The following PWP1 variants were observed in gnomAD, a reference collection of about 807,000 sequenced individuals.
The protein encoded by PWP1 is periodic tryptophan protein 1 homolog.
In PWP1, 47 loss-of-function variants were observed where a neutral mutation model predicts 69.9. The ratio of observed to expected loss-of-function variants is 0.67; its 90% confidence interval spans 0.53 to 0.86. The LOEUF is 0.86. PWP1 is among the 40% of genes least tolerant of loss of function. PWP1 has a pLI of 0.00. For synonymous variants in PWP1, 222 were observed against 208.2 expected (o/e 1.07, Z -0.57); for missense variants, 551 against 608.8 (o/e 0.91, Z 1.00).
intron 3 of PWP1, among the ~76,000 whole-genome samples, chr12:107,692,084 CA>C (rs1889491347): frequency 6.6e-6 from 1 of 152,194 alleles, no homozygotes; most frequent in Non-Finnish European, 1.5e-5. Context: ...ACAAATAACC[CA>C]GCCTGGAGAG....
intron 8 of PWP1, 110 bp from the exon 9 acceptor site, chr12:107,702,825 A>G (rs919965303): frequency 2.9e-6 from 2 of 697,718 alleles, no homozygotes; most frequent in Admixed American, 2.5e-5. Flanking sequence ...TGTTAAATTT[A>G]TTCCTAAGTA....
intron 8 of PWP1, among the ~76,000 whole-genome samples, chr12:107,699,993 T>C (rs528516295): frequency 5.7e-4 from 86 of 152,144 alleles, no homozygotes; most frequent in Middle Eastern, 3.4e-3. Flanking sequence ...TCATGTCTTA[T>C]ATAGTGGCAG....
chr12:107,706,930 T>G (rs1229918561), intron 11 of PWP1, among the ~76,000 whole-genome samples: 8 of 152,364 alleles, frequency 5.3e-5, no homozygotes, highest in Non-Finnish European at 1.0e-4. Context: ...TTTCCAATTC[T>G]GTGAAGAAAG....
At chr12:107,696,281 C>T (rs1427929429) in intron 5 of PWP1, among the ~76,000 whole-genome samples, 193 bp from the exon 6 acceptor site, 7 of 152,126 alleles carry the variant, frequency 4.6e-5, no homozygotes, top group Non-Finnish European at 5.9e-5. Flanking sequence ...GATCCGCCCA[C>T]CTTGGCCTCC....
chr12:107,703,111 T>C (rs1461083197), intron 9 of PWP1, 80 bp downstream of exon 9: 2 of 1,020,962 alleles, frequency 2.0e-6, no homozygotes, highest in Non-Finnish European at 3.0e-6. Flanking sequence ...AACGTTTATA[T>C]ATGGCTTTGA....
intron 5 of PWP1, among the ~76,000 whole-genome samples, chr12:107,695,481 T>C (rs1889564720): frequency 6.6e-6 from 1 of 152,188 alleles, no homozygotes; most frequent in South Asian, 2.1e-4. Context: ...TATTATATAT[T>C]TACCTCCTTC....
intron 9 of PWP1, 45 bp downstream of exon 9, chr12:107,703,076 C>T (rs1889745594): frequency 7.5e-7 from 1 of 1,325,214 alleles, no homozygotes; most frequent in African/African-American, 1.5e-5. Flanking sequence ...AAATCGGACA[C>T]AAATATTGGC....
intron 5 of PWP1, among the ~76,000 whole-genome samples, chr12:107,696,085 T>G (rs1250973888): frequency 7.1e-6 from 1 of 140,506 alleles, no homozygotes; most frequent in Non-Finnish European, 1.5e-5. Context: ...CAGGCTGGAG[T>G]GCAGTGGTGC....
At chr12:107,686,029 G>C (rs1386823870) in intron 1 of PWP1, 58 bp downstream of exon 1, 1 of 1,571,864 alleles carries the variant, frequency 6.4e-7, no homozygotes, top group Non-Finnish European at 8.7e-7. Flanking sequence ...CTGGGGGTCC[G>C]CCCAGCTGGG....
rs760407043 is a variant in PWP1 at position 107,704,628 on chromosome 12, G to A, written c.966-8G>A. ...CTTAAAACCCTAACTTTGCCTGAAT[G>A]TGTCTAGGTCAGTGGCTTTGTATGA... is the stretch of plus-strand genomic sequence containing the variant. On this transcript the variant is annotated splice_region_variant and splice_polypyrimidine_tract_variant and intron_variant, in intron 10 of 14. Coordinates refer to ENST00000412830, the MANE Select transcript of PWP1 (RefSeq NM_007062.3). 29 of 1,610,240 alleles carry A rather than the reference G, an allele frequency of 1.8e-5. No homozygotes were observed. The highest frequency in any genetic ancestry group is 2.4e-5 in the Non-Finnish European group (28 of 1,177,456).
chr12:107,686,969 CAAA>C (rs61728433), intron 1 of PWP1, among the ~76,000 whole-genome samples: 338 of 106,540 alleles, frequency 3.2e-3, no homozygotes, highest in African/African-American at 0.012. Context: ...GACTCCGTCT[CAAA>C]AAAAAAAAAA....
intron 14 of PWP1, 65 bp from the exon 15 acceptor site, chr12:107,712,046 G>A: frequency 7.3e-7 from 1 of 1,369,250 alleles, no homozygotes; most frequent in Non-Finnish European, 1.0e-6. Context: ...GCATTTTAGT[G>A]TCTTTTTATA....
At chr12:107,689,291 T>C (rs1168979568) in intron 3 of PWP1, among the ~76,000 whole-genome samples, 1 of 152,196 alleles carries the variant, frequency 6.6e-6, no homozygotes, top group Admixed American at 6.5e-5. Flanking sequence ...TTACAGTATA[T>C]TATCATTATT....
chr12:107,705,934 A>C (rs1357671920), intron 11 of PWP1, among the ~76,000 whole-genome samples: 3 of 152,220 alleles, frequency 2.0e-5, no homozygotes, highest in Non-Finnish European at 4.4e-5. Context: ...TGGCTGGGTC[A>C]AATGGTATTT....
intron 7 of PWP1, among the ~76,000 whole-genome samples, chr12:107,698,326 C>T (rs1301216731): frequency 2.0e-5 from 3 of 152,036 alleles, no homozygotes; most frequent in Non-Finnish European, 4.4e-5. Flanking sequence ...CACTGCACTC[C>T]AGCCTGTGTG....
At chr12:107,708,849 C>T in intron 11 of PWP1, 77 bp from the exon 12 acceptor site, 4 of 1,302,074 alleles carry the variant, frequency 3.1e-6, no homozygotes, top group Non-Finnish European at 4.4e-6. Context: ...AGCTGATTTT[C>T]ACTATGACTT....
chr12:107,698,084 C>A (rs759723995), intron 7 of PWP1, among the ~76,000 whole-genome samples: 1 of 151,866 alleles, frequency 6.6e-6, no homozygotes, highest in Non-Finnish European at 1.5e-5. Flanking sequence ...TAGGCCAGGC[C>A]ACGCACGTGG....
chr12:107,706,089 T>C (rs1428022025), intron 11 of PWP1, among the ~76,000 whole-genome samples: 1 of 152,220 alleles, frequency 6.6e-6, no homozygotes, highest in Non-Finnish European at 1.5e-5. Flanking sequence ...TGATCGCCAT[T>C]CTAACTGGTG....
chr12:107,702,177 T>C (rs73187394), intron 8 of PWP1, among the ~76,000 whole-genome samples: 10,534 of 152,236 alleles, frequency 0.069, 437 homozygotes, highest in African/African-American at 0.11. Context: ...CTTGCCAACT[T>C]TGTTCTTTTT....
Sources: gnomAD v4.1 joint callset for allele counts (sites outside exome capture counted in the v4.1 genomes callset) on GRCh38, gnomAD v4.1.1 for gene constraint, MANE v1.5 for transcripts, NCBI Gene and HGNC (gene_info 2026-07-23, HGNC 2026-07-21) for gene names.